Variants in REV1 observed in about 807,000 individuals in gnomAD.
REV1 encodes translesion synthesis protein REV1.
In REV1, 42 loss-of-function variants were observed where a neutral mutation model predicts 137.4. The ratio of observed to expected loss-of-function variants is 0.31; its 90% CI spans 0.24 to 0.40. The LOEUF is 0.40. Ranked by LOEUF, REV1 falls within the 10% of genes least tolerant of loss-of-function variation. REV1 has a pLI of 1.00. For missense variants in REV1, 1,282 were observed against 1,490.1 expected, an observed-to-expected ratio of 0.86 and a Z score of 2.30; for synonymous variants, 524 against 519.2, an observed-to-expected ratio of 1.01 and a Z score of -0.12.
At chr2:99,461,351 A>G (rs939639429) in intron 3 of REV1, among the ~76,000 whole-genome samples, 5 of 152,234 alleles carry the variant, frequency 3.3e-5, no homozygotes, top group Non-Finnish European at 4.4e-5. Flanking sequence ...ATAGTGATGA[A>G]AATGTAGCTC....
intron 12 of REV1, among the ~76,000 whole-genome samples, chr2:99,413,371 G>A (rs972980951): frequency 2.0e-5 from 3 of 152,020 alleles, no homozygotes; most frequent in South Asian, 2.1e-4. Context: ...TTATGATTTC[G>A]GTCATCACCA....
intron 8 of REV1, among the ~76,000 whole-genome samples, 188 bp from the exon 9 acceptor site, chr2:99,430,136 C>T (rs932313117): frequency 1.3e-5 from 2 of 151,988 alleles, no homozygotes; most frequent in African/African-American, 4.8e-5. Flanking sequence ...CCATTATATT[C>T]TTCATCAGCA....
At chr2:99,411,020 C>T (rs1210163299) in intron 13 of REV1, among the ~76,000 whole-genome samples, 153 bp from the exon 14 acceptor site, 2 of 152,226 alleles carry the variant, frequency 1.3e-5, no homozygotes, top group African/African-American at 4.8e-5. Flanking sequence ...GGCGCGGTGG[C>T]TCACACCTGT....
intron 12 of REV1, among the ~76,000 whole-genome samples, chr2:99,415,987 T>C (rs13402784): frequency 0.18 from 26,894 of 152,304 alleles, 2,880 homozygotes; most frequent in African/African-American, 0.28. Flanking sequence ...TACACAATTA[T>C]TATTCTGTGG....
At chr2:99,447,940 C>T (rs1682432320) in intron 4 of REV1, among the ~76,000 whole-genome samples, 1 of 152,004 alleles carries the variant, frequency 6.6e-6, no homozygotes. Flanking sequence ...CTGGTCTCTG[C>T]CCACCTCGGC....
Position 99,434,366 on chromosome 2 carries a change from C to T in REV1, c.1404G>A (p.Gln468=). The T allele has an allele frequency of 6.2e-7, 1 of 1,609,300 alleles. No individual in the cohort carries two copies. Among genetic ancestry groups the T allele is most frequent in the Non-Finnish European group, 8.5e-7 (1 of 1,177,988 alleles). The change falls in exon 8 of 23, where the codon CAG becomes CAA. Residue 468 remains glutamine (Q), a synonymous_variant. Transcript: ENST00000258428. The part of the protein sequence containing the change: ...RPGANPQLEW[Q]YYQNKILKGK... ...CTTTCAGGATTTTATTCTGGTAATA[C>T]TGCCACTCCAGCTGGGGGTTAGCGC...
intron 14 of REV1, among the ~76,000 whole-genome samples, chr2:99,409,347 A>G (rs901081945): frequency 6.6e-6 from 1 of 152,240 alleles, no homozygotes; most frequent in African/African-American, 2.4e-5. Flanking sequence ...ACATGAATGC[A>G]CCATGTATGG....
At chr2:99,431,723 T>C in intron 8 of REV1, 5 of 985,430 alleles carry the variant, frequency 5.1e-6, no homozygotes, top group Non-Finnish European at 6.0e-6. Flanking sequence ...CGTGTTCCTC[T>C]CCATTGGGCT....
At chr2:99,402,408 T>G (rs1402591709) in intron 21 of REV1, 62 bp from the exon 22 acceptor site, 1 of 883,604 alleles carries the variant, frequency 1.1e-6, no homozygotes, top group East Asian at 2.6e-5. Context: ...GTCAGAGATC[T>G]GCATGGATAA....
intron 5 of REV1, among the ~76,000 whole-genome samples, chr2:99,441,489 G>A (rs907962038): frequency 1.3e-5 from 2 of 151,520 alleles, no homozygotes; most frequent in Admixed American, 1.3e-4. Context: ...GCAGCCACAT[G>A]GAATAGTCTA....
chr2:99,424,948 T>C (rs1249944524), intron 9 of REV1: 1 of 1,240,168 alleles, frequency 8.1e-7, no homozygotes, highest in Admixed American at 2.6e-5. Flanking sequence ...GTGCCCCACA[T>C]TACCTTTGAC....
intron 4 of REV1, 76 bp downstream of exon 4, chr2:99,449,260 A>G: frequency 5.4e-6 from 5 of 918,156 alleles, no homozygotes; most frequent in Non-Finnish European, 7.3e-6. Context: ...GCGAGACCCT[A>G]TCTCAAAAAA....
intron 3 of REV1, among the ~76,000 whole-genome samples, chr2:99,458,997 A>G (rs936189871): frequency 6.6e-6 from 1 of 151,978 alleles, no homozygotes; most frequent in Non-Finnish European, 1.5e-5. Flanking sequence ...TCACGAGGTC[A>G]GGAGATCAAG....
chr2:99,460,221 C>T (rs955319688), intron 3 of REV1, among the ~76,000 whole-genome samples: 2 of 152,110 alleles, frequency 1.3e-5, no homozygotes, highest in Admixed American at 6.5e-5. Context: ...GGACTACAGG[C>T]GCACGTCACC....
chr2:99,485,931 C>A lies in REV1; in HGVS notation c.-11+3886G>T, dbSNP rs547777985. ...CTGTAGCCCAAGAGTTTGAGACCAGCCTGGGCAAAACAGTAGGACCCCATC... is the reference window on the plus strand; with the variant it reads ...CTGTAGCCCAAGAGTTTGAGACCAGACTGGGCAAAACAGTAGGACCCCATC... On this transcript the variant is annotated intron_variant, in intron 1 of 22. Transcript: ENST00000258428. 4.6e-5 allele frequency among the ~76,000 whole-genome samples: 7 copies of A among 152,108 alleles called. No individual in the cohort carries two copies. In the East Asian group the frequency reaches 1.4e-3, roughly 30 times the overall value.
chr2:99,407,985 T>C (rs377595784), intron 15 of REV1, 44 bp downstream of exon 15: 39 of 1,210,340 alleles, frequency 3.2e-5, no homozygotes, highest in Non-Finnish European at 4.5e-5. Flanking sequence ...AAATGAGAGA[T>C]ACATTACACA....
intron 1 of REV1, among the ~76,000 whole-genome samples, chr2:99,466,921 A>G (rs1464590352): frequency 1.3e-5 from 2 of 152,196 alleles, no homozygotes; most frequent in East Asian, 3.9e-4. Flanking sequence ...AACAGACTTC[A>G]GCCCTTAAAG....
At position 99,434,451 on chromosome 2, in the gene REV1, G is replaced by A; in HGVS notation, c.1322-3C>T. 1 of 1,579,500 alleles carries A rather than the reference G, an allele frequency of 6.3e-7. No homozygotes were observed. The highest frequency in any genetic ancestry group is 1.4e-5 in the African/African-American group (1 of 73,462). On this transcript the variant is annotated splice_polypyrimidine_tract_variant and splice_region_variant and intron_variant, in intron 7 of 22. Coordinates refer to ENST00000258428, the MANE Select transcript of REV1 (RefSeq NM_016316.4). ...ACTTGTAACAGCCACTGGTTTTCCTGTGAGGAAAATATTAAATTATTTCTG... is the reference window on the plus strand; with the variant it reads ...ACTTGTAACAGCCACTGGTTTTCCTATGAGGAAAATATTAAATTATTTCTG...
intron 3 of REV1, among the ~76,000 whole-genome samples, chr2:99,458,756 A>C (rs1683813737): frequency 2.6e-5 from 4 of 152,242 alleles, no homozygotes; most frequent in Admixed American, 2.6e-4. Context: ...CAGTGAAAAA[A>C]GCCAGCCCCA....
Sources: allele counts gnomAD v4.1 joint callset (sites outside exome capture counted in the v4.1 genomes callset), GRCh38; gene constraint gnomAD v4.1.1; transcripts MANE v1.5; gene names NCBI Gene and HGNC (gene_info 2026-07-23, HGNC 2026-07-21).